Variants in PLB1 observed in about 807,000 individuals in gnomAD.
PLB1 encodes the protein phospholipase B1, also known as phospholipase B1, membrane-associated.
In PLB1, 242 loss-of-function variants were observed where a neutral mutation model predicts 227.4. The observed-to-expected ratio is 1.06, with a 90% CI of 0.96 to 1.18. The LOEUF is 1.18. PLB1 is among the 50% of genes most tolerant of loss of function. The pLI, the probability that PLB1 is intolerant of heterozygous loss-of-function variation, is 0.00. For missense variants in PLB1, 1,858 were observed against 1,816.3 expected (o/e 1.02, Z -0.42); for synonymous variants, 757 against 682.2 (o/e 1.11, Z -1.71).
chr2:28,621,493 G>A (rs1687050350), intron 49 of PLB1, among the ~76,000 whole-genome samples: 1 of 152,152 alleles, frequency 6.6e-6, no homozygotes, highest in South Asian at 2.1e-4. Context: ...TAGATGTCAG[G>A]GCCCCCAAAA....
At chr2:28,633,252 A>G in intron 56 of PLB1, 1 of 542,854 alleles carries the variant, frequency 1.8e-6, no homozygotes. Flanking sequence ...ACACACACTC[A>G]CACAACTTTA....
At position 28,601,469 on chromosome 2, in the gene PLB1, C is replaced by CAACACACACACACACA. The variant is rs141173438; in HGVS notation, c.2607+137_2607+138insAACACACACACACACA. The CAACACACACACACACA allele has an allele frequency of 2.6e-3, 1,534 of 600,188 alleles. 24 individuals carry two copies. The African/African-American group carries it at 0.026, about 10-fold the overall frequency. 37.2% of individuals were successfully genotyped at this position (600,188 alleles called of 1,614,324 possible). Reference sequence around the variant, plus strand: ...ACCTATGTCTGCACATATACACATACCACACACACACACACACACACACAC... The same window carrying CAACACACACACACACA: ...ACCTATGTCTGCACATATACACATACAACACACACACACACACACACACACACACACACACACACAC... On this transcript the variant is annotated intron_variant, in intron 37 of 57. Transcript: ENST00000327757.
intron 4 of PLB1, among the ~76,000 whole-genome samples, chr2:28,523,744 A>C (rs1669861683): frequency 6.6e-6 from 1 of 152,216 alleles, no homozygotes; most frequent in Admixed American, 6.5e-5. Context: ...AAGCAAATTG[A>C]TGGTCCTAAG....
chr2:28,598,703 G>T lies in PLB1; in HGVS notation c.2417G>T (p.Gly806Val). The change falls in exon 35 of 58, where the codon GGT becomes GTT. Residue 806 changes from glycine (G) to valine (V), a missense_variant. Physicochemically the swap from Gly to Val is moderately radical, Grantham distance 109. Transcript: ENST00000327757. ...RNLTGYAVGT[G>V]DANDTNAFLN... Reference sequence around the variant, plus strand: ...CTCACAGGCTACGCCGTGGGCACGGGTGATGCCAATGACACGAATGCATTC... The same window carrying T: ...CTCACAGGCTACGCCGTGGGCACGGTTGATGCCAATGACACGAATGCATTC... The T allele has an allele frequency of 1.2e-6, 2 of 1,614,258 alleles. No individual in the cohort carries two copies. Among genetic ancestry groups the T allele is most frequent in the African/African-American group, 2.7e-5 (2 of 75,070 alleles).
At position 28,566,675 on chromosome 2, in the gene PLB1, G is replaced by A. The variant is rs544453393; in HGVS notation, c.1281-121G>A. ...TTTTTCTACTGAAGTGATGGGGAAA[G>A]TGCAAGCTCCAGGCCCCCGGGCTGT... On this transcript the variant is annotated intron_variant, in intron 19 of 57. Coordinates refer to ENST00000327757, the MANE Select transcript of PLB1 (RefSeq NM_153021.5). The A allele has an allele frequency of 1.2e-5, 13 of 1,098,768 alleles. No homozygotes were observed. In the East Asian group the frequency reaches 3.1e-4, roughly 26 times the overall value. 68.1% of individuals were successfully genotyped at this position (1,098,768 alleles called of 1,614,324 possible). A position where few individuals can be genotyped will look rare whatever the true frequency, so the allele number is the denominator to read the frequency against.
At chr2:28,521,146 A>G (rs542895257) in intron 4 of PLB1, among the ~76,000 whole-genome samples, 1 of 152,252 alleles carries the variant, frequency 6.6e-6, no homozygotes, top group South Asian at 2.1e-4. Context: ...TTGTATATCT[A>G]GATCAGATTT....
intron 40 of PLB1, 22 bp downstream of exon 40, chr2:28,604,069 T>G (rs1360351695): frequency 2.5e-6 from 4 of 1,586,652 alleles, no homozygotes; most frequent in Non-Finnish European, 3.5e-6. Context: ...AAGGGCACCA[T>G]GCTGTGTCCT....
intron 1 of PLB1, among the ~76,000 whole-genome samples, chr2:28,515,649 G>C (rs1487704141): frequency 1.3e-5 from 2 of 152,320 alleles, no homozygotes; most frequent in East Asian, 3.9e-4. Flanking sequence ...AAAAAGTAAA[G>C]CTGCAGAAGA....
chr2:28,604,566 G>C, intron 40 of PLB1, 89 bp from the exon 41 acceptor site: 1 of 967,890 alleles, frequency 1.0e-6, no homozygotes, highest in Non-Finnish European at 1.6e-6. Context: ...CATCCAGGGA[G>C]ATGGACTGCC....
chr2:28,518,330 A>T, intron 2 of PLB1, 136 bp from the exon 3 acceptor site: 1 of 697,370 alleles, frequency 1.4e-6, no homozygotes, highest in Non-Finnish European at 2.5e-6. Flanking sequence ...GGAGAAAATG[A>T]CTATGGGCAA....
At chr2:28,565,165 CAG>C (rs1231559125) in intron 18 of PLB1, 113 bp from the exon 19 acceptor site, 9 of 823,818 alleles carry the variant, frequency 1.1e-5, no homozygotes, top group African/African-American at 6.8e-5. Flanking sequence ...CCCTAGATCC[CAG>C]AGAGTGCCCA....
Position 28,567,576 on chromosome 2 carries a change from C to T in PLB1, c.1324+737C>T, listed in dbSNP as rs558608651. Reference sequence around the variant, plus strand: ...GCAACCTCCGCCTCCCTGGTTCAAGCGATTCTCCTGCCTCAGCCTCCCGAG... The same window carrying T: ...GCAACCTCCGCCTCCCTGGTTCAAGTGATTCTCCTGCCTCAGCCTCCCGAG... On this transcript the variant is annotated intron_variant, in intron 20 of 57. Transcript: ENST00000327757. Among the ~76,000 whole-genome samples, 64 of 147,242 alleles carry T rather than the reference C, an allele frequency of 4.3e-4. No individual in the cohort carries two copies. The East Asian group carries it at 5.0e-3, about 11-fold the overall frequency.
At chr2:28,622,239 C>T (rs910662406) in intron 49 of PLB1, among the ~76,000 whole-genome samples, 1 of 152,208 alleles carries the variant, frequency 6.6e-6, no homozygotes, top group East Asian at 1.9e-4. Context: ...CACCTAATAT[C>T]ATAGGGTGTG....
intron 13 of PLB1, 76 bp downstream of exon 13, chr2:28,541,887 C>G (rs1251508588): frequency 4.2e-6 from 5 of 1,202,844 alleles, no homozygotes; most frequent in Non-Finnish European, 4.9e-6. Flanking sequence ...AATCCCAGCA[C>G]TTTGGGAGGC....
intron 32 of PLB1, among the ~76,000 whole-genome samples, chr2:28,593,362 T>C (rs183497264): frequency 6.6e-6 from 1 of 152,366 alleles, no homozygotes; most frequent in African/African-American, 2.4e-5. Flanking sequence ...ACGACATTAT[T>C]AACACTCTCT....
At chr2:28,514,821 A>T (rs1668656684) in intron 1 of PLB1, among the ~76,000 whole-genome samples, 1 of 152,076 alleles carries the variant, frequency 6.6e-6, no homozygotes, top group Admixed American at 6.6e-5. Flanking sequence ...TTTGCTAGCA[A>T]TGTCATCTTT....
intron 1 of PLB1, among the ~76,000 whole-genome samples, chr2:28,499,146 G>T (rs1666801494): frequency 6.6e-6 from 1 of 151,902 alleles, no homozygotes; most frequent in Non-Finnish European, 1.5e-5. Context: ...AGTGAATTTT[G>T]TGTTGATTTT....
chr2:28,521,409 G>T (rs1376498056), intron 4 of PLB1, among the ~76,000 whole-genome samples: 2 of 152,146 alleles, frequency 1.3e-5, no homozygotes, highest in African/African-American at 4.8e-5. Flanking sequence ...GTGCACAAGG[G>T]TTCTAATTTC....
intron 4 of PLB1, among the ~76,000 whole-genome samples, chr2:28,522,724 C>G (rs557046985): frequency 2.6e-5 from 4 of 152,220 alleles, no homozygotes; most frequent in African/African-American, 9.6e-5. Context: ...CTCGGCCCCC[C>G]CTTCTCAGGA....
Sources: allele counts gnomAD v4.1 joint callset (sites outside exome capture counted in the v4.1 genomes callset), GRCh38; gene constraint gnomAD v4.1.1; transcripts MANE v1.5; gene names NCBI Gene and HGNC (gene_info 2026-07-23, HGNC 2026-07-21).